Variants in GABRB1 observed in about 807,000 individuals in gnomAD.
GABRB1 encodes gamma-aminobutyric acid type A receptor subunit beta1.
Under a neutral mutation model 51.6 loss-of-function variants are expected in GABRB1, and 17 were observed. The ratio of observed to expected loss-of-function variants is 0.33; its 90% CI spans 0.23 to 0.49. The LOEUF (loss-of-function observed/expected upper bound fraction) is 0.49, where lower values mean the gene tolerates loss of function less well. GABRB1 is among the 20% of genes least tolerant of loss of function. The probability of loss-of-function intolerance (pLI) is 0.99; values close to 1 mark genes in which losing one functional copy is unlikely to be tolerated. For missense variants in GABRB1, 410 were observed against 600.6 expected (o/e 0.68, Z 3.32); for synonymous variants, 247 against 218.9 (o/e 1.13, Z -1.14).
rs1376820408 is a variant in GABRB1 at position 47,032,448 on chromosome 4, T to C, written c.204T>C (p.Asp68=). Residue 68 remains aspartate, a synonymous_variant, in exon 3 of 9, where the codon GAT becomes GAC. Transcript: ENST00000295454. ...CCGTCGACGTTGGGATGCGGATCGA[T>C]GTCGCCAGCATAGACATGGTCTCCG... The part of the protein sequence containing the change: ...GPPVDVGMRI[D]VASIDMVSEV... The C allele has an allele frequency of 6.2e-7, 1 of 1,603,970 alleles. No individual in the cohort carries two copies. Among genetic ancestry groups the C allele is most frequent in the East Asian group, 2.2e-5 (1 of 44,610 alleles).
chr4:47,269,935 T>TCCACACAC (rs1553868809), intron 4 of GABRB1, among the ~76,000 whole-genome samples: 1 of 135,970 alleles, frequency 7.4e-6, no homozygotes, highest in Non-Finnish European at 1.6e-5. Context: ...CAACTCTCCC[T>TCCACACAC]ACACACACAC....
At chr4:47,318,237 G>GC (rs1724957812) in intron 4 of GABRB1, among the ~76,000 whole-genome samples, 1 of 151,878 alleles carries the variant, frequency 6.6e-6, no homozygotes, top group Non-Finnish European at 1.5e-5. Flanking sequence ...AAAGCTTTTA[G>GC]CCCAGTGCCC....
At chr4:47,042,470 A>T (rs1264461620) in intron 3 of GABRB1, among the ~76,000 whole-genome samples, 6 of 146,984 alleles carry the variant, frequency 4.1e-5, no homozygotes, top group Non-Finnish European at 1.5e-5. Context: ...TGCACAGTAT[A>T]TATATACAAA....
chr4:47,064,385 A>T (rs894828018), intron 3 of GABRB1, among the ~76,000 whole-genome samples: 1 of 152,172 alleles, frequency 6.6e-6, no homozygotes, highest in African/African-American at 2.4e-5. Context: ...CTGTAATCCC[A>T]GTACTTTGGG....
intron 5 of GABRB1, among the ~76,000 whole-genome samples, chr4:47,358,758 T>A (rs1726685281): frequency 6.6e-6 from 1 of 152,134 alleles, no homozygotes; most frequent in Non-Finnish European, 1.5e-5. Flanking sequence ...AAAACACAAT[T>A]CAGCCCATAA....
chr4:47,162,449 A>G (rs1011675630), intron 4 of GABRB1, among the ~76,000 whole-genome samples: 5 of 152,034 alleles, frequency 3.3e-5, no homozygotes, highest in Non-Finnish European at 7.4e-5. Context: ...TTTAAAAAAA[A>G]AGAGCAACTA....
chr4:47,029,706 T>C (rs975633604), upstream of GABRB1, among the ~76,000 whole-genome samples: 1 of 152,056 alleles, frequency 6.6e-6, no homozygotes, highest in Non-Finnish European at 1.5e-5. Context: ...TATCTACCTG[T>C]AATATATTTT....
chr4:47,028,838 A>ATATGGTATATATACATATC (rs1211966990), upstream of GABRB1, among the ~76,000 whole-genome samples: 1 of 148,604 alleles, frequency 6.7e-6, no homozygotes, highest in East Asian at 1.9e-4. Context: ...ATATACATAT[A>ATATGGTATATATACATATC]TATGGTGTAT....
intron 4 of GABRB1, among the ~76,000 whole-genome samples, chr4:47,307,036 A>G (rs866963057): frequency 6.6e-6 from 1 of 152,138 alleles, no homozygotes; most frequent in South Asian, 2.1e-4. Context: ...AATGTTTACC[A>G]TGGTGGATGT....
At chr4:47,044,312 T>C (rs180871391) in intron 3 of GABRB1, among the ~76,000 whole-genome samples, 1 of 152,196 alleles carries the variant, frequency 6.6e-6, no homozygotes. Flanking sequence ...AACAATCTTT[T>C]AAGTCCAGAC....
At chr4:47,056,371 G>T (rs577533635) in intron 3 of GABRB1, among the ~76,000 whole-genome samples, 2 of 152,258 alleles carry the variant, frequency 1.3e-5, no homozygotes, top group African/African-American at 2.4e-5. Flanking sequence ...TCTTGAGTTT[G>T]CCTGGACTAA....
intron 3 of GABRB1, among the ~76,000 whole-genome samples, chr4:47,091,037 C>T (rs1728269507): frequency 6.6e-6 from 1 of 151,926 alleles, no homozygotes; most frequent in Non-Finnish European, 1.5e-5. Flanking sequence ...GGGCAACTTC[C>T]CCCATCCCAC....
At chr4:47,009,236 T>G (rs1040219890) in intron 1 of GABRB1, among the ~76,000 whole-genome samples, 5 of 150,338 alleles carry the variant, frequency 3.3e-5, no homozygotes, top group African/African-American at 1.2e-4. Flanking sequence ...TTCAAAATAT[T>G]TATTAATTAA....
intron 1 of GABRB1, among the ~76,000 whole-genome samples, chr4:47,015,669 C>T (rs1197824099): frequency 6.6e-6 from 1 of 152,098 alleles, no homozygotes; most frequent in Non-Finnish European, 1.5e-5. Context: ...CCAACAATTG[C>T]TTACCATAAT....
At chr4:47,190,382 A>C (rs991582751) in intron 4 of GABRB1, among the ~76,000 whole-genome samples, 1 of 152,128 alleles carries the variant, frequency 6.6e-6, no homozygotes, top group African/African-American at 2.4e-5. Flanking sequence ...TTGGTGAACA[A>C]GAGAAGCTTC....
chr4:47,116,730 A>C (rs1056942102), intron 3 of GABRB1, among the ~76,000 whole-genome samples: 3 of 152,142 alleles, frequency 2.0e-5, no homozygotes, highest in Non-Finnish European at 4.4e-5. Flanking sequence ...GTATTAGTCC[A>C]TTCTTGCATC....
chr4:47,031,100 T>C (rs1249711161), upstream of GABRB1, among the ~76,000 whole-genome samples: 1 of 152,118 alleles, frequency 6.6e-6, no homozygotes, highest in African/African-American at 2.4e-5. Flanking sequence ...GTACCTTTAG[T>C]AACTCTCCCG....
At chr4:47,119,546 T>C (rs547079305) in intron 3 of GABRB1, among the ~76,000 whole-genome samples, 1 of 151,688 alleles carries the variant, frequency 6.6e-6, no homozygotes, top group East Asian at 1.9e-4. Context: ...TTCGCTCTTG[T>C]TGCCCAGGCT....
chr4:47,114,134 C>A (rs1167644835), intron 3 of GABRB1, among the ~76,000 whole-genome samples: 1 of 152,154 alleles, frequency 6.6e-6, no homozygotes, highest in African/African-American at 2.4e-5. Context: ...GCGTTATTCC[C>A]GACCATCTAC....
Sources: allele counts gnomAD v4.1 joint callset (sites outside exome capture counted in the v4.1 genomes callset), GRCh38; gene constraint gnomAD v4.1.1; transcripts MANE v1.5; gene names NCBI Gene and HGNC (gene_info 2026-07-23, HGNC 2026-07-21).